KALRN: variants seen among roughly 807,000 people sequenced by gnomAD.
KALRN encodes the protein kalirin.
KALRN carries 70 observed loss-of-function variants against 353.7 expected under a neutral mutation model. The observed-to-expected ratio is 0.20, with a 90% CI of 0.16 to 0.24. The LOEUF (loss-of-function observed/expected upper bound fraction) is 0.24. Ranked by LOEUF, KALRN falls within the 10% of genes least tolerant of loss-of-function variation. The pLI, the probability that KALRN is intolerant of heterozygous loss-of-function variation, is 1.00. For synonymous variants in KALRN, 1,391 were observed against 1,434.8 expected, an observed-to-expected ratio of 0.97 and a Z score of 0.69; for missense variants, 2,791 against 3,756.7, an observed-to-expected ratio of 0.74 and a Z score of 6.72.
intron 1 of KALRN, among the ~76,000 whole-genome samples, chr3:124,115,575 C>A (rs180804926): frequency 6.6e-6 from 1 of 152,268 alleles, no homozygotes; most frequent in South Asian, 2.1e-4. Context: ...TGCCACTGTC[C>A]GAGCCCTGCT....
At chr3:124,422,684 A>C in intron 14 of KALRN, 128 bp from the exon 15 acceptor site, 2 of 696,442 alleles carry the variant, frequency 2.9e-6, no homozygotes, top group Non-Finnish European at 4.8e-6. Context: ...TCACAGAGGA[A>C]TATTTAGGGT....
intron 10 of KALRN, among the ~76,000 whole-genome samples, chr3:124,367,555 A>T (rs1207151102): frequency 5.0e-5 from 3 of 59,862 alleles, no homozygotes; most frequent in Admixed American, 1.5e-4. Context: ...CTGGCCGGGC[A>T]GAGGGGCTCC....
chr3:124,446,227 G>A lies in KALRN; in HGVS notation c.3380G>A (p.Arg1127Gln), dbSNP rs777267764. 14 of 1,613,982 alleles carry A rather than the reference G, an allele frequency of 8.7e-6. No homozygotes were observed. The highest frequency in any genetic ancestry group is 4.4e-5 in the South Asian group (4 of 91,084). ...CATTTCTGGACCTTGAAGAAGCGGC[G>A]GTTAGACCAATGCCAGCAATATGTG... The part of the protein sequence containing the change: ...VLHFWTLKKR[R>Q]LDQCQQYVVF... The change falls in exon 20 of 60, where the codon CGG (arginine) becomes CAG (glutamine). Residue 1127 changes from arginine (R) to glutamine (Q), a missense_variant. Arg to Gln is a conservative substitution (Grantham distance 43, BLOSUM62 1). Coordinates refer to ENST00000682506, the MANE Select transcript of KALRN (RefSeq NM_001388419.1).
intron 1 of KALRN, among the ~76,000 whole-genome samples, chr3:124,103,293 G>C (rs1439424819): frequency 1.3e-5 from 2 of 152,160 alleles, no homozygotes; most frequent in African/African-American, 4.8e-5. Context: ...CATCCAGTGG[G>C]GTGGAGATTA....
At chr3:124,521,617 G>A (rs1008556323) in intron 33 of KALRN, among the ~76,000 whole-genome samples, 1 of 152,090 alleles carries the variant, frequency 6.6e-6, no homozygotes, top group Non-Finnish European at 1.5e-5. Flanking sequence ...GGACACTATT[G>A]CCATTTTTAG....
chr3:124,200,638 G>A (rs2075864330), intron 1 of KALRN, among the ~76,000 whole-genome samples: 1 of 152,222 alleles, frequency 6.6e-6, no homozygotes, highest in Non-Finnish European at 1.5e-5. Flanking sequence ...ATGCCTTAGA[G>A]AATTGTGGTG....
At chr3:124,455,767 G>A (rs2059251054) in intron 22 of KALRN, among the ~76,000 whole-genome samples, 1 of 152,196 alleles carries the variant, frequency 6.6e-6, no homozygotes. Context: ...TCAAGAATAA[G>A]GGGTGCAATT....
intron 13 of KALRN, among the ~76,000 whole-genome samples, chr3:124,405,750 T>C (rs1328176647): frequency 6.6e-6 from 1 of 150,890 alleles, no homozygotes; most frequent in Non-Finnish European, 1.5e-5. Flanking sequence ...TTCACGCCAT[T>C]CTCCTGCCTC....
chr3:124,434,274 C>T, intron 16 of KALRN, 33 bp from the exon 17 acceptor site: 1 of 1,593,638 alleles, frequency 6.3e-7, no homozygotes, highest in Non-Finnish European at 8.6e-7. Context: ...TGGGTTGTTC[C>T]CACGGACCTT....
chr3:124,272,359 A>C (rs1048076733), intron 5 of KALRN, among the ~76,000 whole-genome samples: 1 of 152,224 alleles, frequency 6.6e-6, no homozygotes, highest in Admixed American at 6.5e-5. Context: ...GGAGTCAGAG[A>C]CACACACTAA....
intron 1 of KALRN, among the ~76,000 whole-genome samples, chr3:124,087,311 G>C (rs2060876236): frequency 6.6e-6 from 1 of 152,176 alleles, no homozygotes; most frequent in South Asian, 2.1e-4. Context: ...CTTCCTGTCA[G>C]AGAAAGTCTA....
intron 51 of KALRN, among the ~76,000 whole-genome samples, chr3:124,686,718 C>T (rs2061574083): frequency 6.7e-6 from 1 of 149,226 alleles, no homozygotes; most frequent in Admixed American, 6.7e-5. Context: ...CTCCAAGGAA[C>T]AGCAGTAGGT....
intron 1 of KALRN, among the ~76,000 whole-genome samples, chr3:124,153,841 T>C (rs1220005931): frequency 3.9e-5 from 6 of 152,056 alleles, no homozygotes; most frequent in Non-Finnish European, 8.8e-5. Context: ...CTCATTGTGG[T>C]TTTGATTTGC....
intron 34 of KALRN, among the ~76,000 whole-genome samples, chr3:124,600,812 ATG>A (rs1029989244): frequency 6.6e-6 from 1 of 152,186 alleles, no homozygotes; most frequent in African/African-American, 2.4e-5. Flanking sequence ...CCTTGAGTGC[ATG>A]TGTTTTTCCA....
At chr3:124,118,906 G>A (rs2063715005) in intron 1 of KALRN, among the ~76,000 whole-genome samples, 1 of 152,126 alleles carries the variant, frequency 6.6e-6, no homozygotes, top group East Asian at 1.9e-4. Context: ...AGTAGGACGT[G>A]GCCAGATAAG....
intron 1 of KALRN, among the ~76,000 whole-genome samples, chr3:124,126,267 A>AT (rs2064659812): frequency 6.6e-6 from 1 of 151,866 alleles, no homozygotes; most frequent in Non-Finnish European, 1.5e-5. Flanking sequence ...AATCAGAAGG[A>AT]TTTTTCAGTA....
intron 33 of KALRN, among the ~76,000 whole-genome samples, chr3:124,509,963 G>A (rs2065700704): frequency 6.6e-6 from 1 of 152,216 alleles, no homozygotes; most frequent in African/African-American, 2.4e-5. Flanking sequence ...ACTGTTGACA[G>A]CAAGGGAGGA....
At chr3:124,233,698 C>T (rs2079434882) in intron 2 of KALRN, among the ~76,000 whole-genome samples, 1 of 152,132 alleles carries the variant, frequency 6.6e-6, no homozygotes. Flanking sequence ...TGGGCGGGAT[C>T]CCTGGGAGAC....
intron 55 of KALRN, among the ~76,000 whole-genome samples, chr3:124,698,541 G>A (rs1049476626): frequency 6.6e-6 from 1 of 152,124 alleles, no homozygotes; most frequent in Non-Finnish European, 1.5e-5. Context: ...TAACATGCTC[G>A]ATCACCCAGA....
Sources: allele counts gnomAD v4.1 joint callset (sites outside exome capture counted in the v4.1 genomes callset), GRCh38; gene constraint gnomAD v4.1.1; transcripts MANE v1.5; gene names NCBI Gene and HGNC (gene_info 2026-07-23, HGNC 2026-07-21).